ZNF804A: variants seen among roughly 807,000 people sequenced by gnomAD.
The protein encoded by ZNF804A is zinc finger protein 804A.
In ZNF804A, 2 loss-of-function variants were observed where a neutral mutation model predicts 16.5. That is an observed-to-expected ratio of 0.12 (90% CI 0.05 to 0.38). The LOEUF is 0.38. Ranked by LOEUF, ZNF804A falls within the 10% of genes least tolerant of loss-of-function variation. The pLI, the probability that ZNF804A is intolerant of heterozygous loss-of-function variation, is 0.99. For missense variants in ZNF804A, 1,473 were observed against 1,390.7 expected (o/e 1.06, Z -0.94); for synonymous variants, 534 against 489.6 (o/e 1.09, Z -1.20).
intron 1 of ZNF804A, among the ~76,000 whole-genome samples, chr2:184,795,382 T>C (rs1352406934): frequency 1.2e-4 from 18 of 152,010 alleles, no homozygotes; most frequent in Non-Finnish European, 4.4e-5. Flanking sequence ...ATGGCAATAG[T>C]GACACAACCT....
chr2:184,920,663 G>A (rs1685516040), intron 2 of ZNF804A, among the ~76,000 whole-genome samples: 1 of 152,152 alleles, frequency 6.6e-6, no homozygotes. Flanking sequence ...GAGAGAGAGA[G>A]ACACTTCCTT....
At chr2:184,742,297 A>G (rs1381862221) in intron 1 of ZNF804A, among the ~76,000 whole-genome samples, 1 of 152,038 alleles carries the variant, frequency 6.6e-6, no homozygotes, top group Non-Finnish European at 1.5e-5. Flanking sequence ...TAAGTGTTTC[A>G]ATTACCATAA....
intron 2 of ZNF804A, among the ~76,000 whole-genome samples, chr2:184,890,017 A>G (rs1684955465): frequency 1.3e-5 from 2 of 152,234 alleles, no homozygotes; most frequent in East Asian, 1.9e-4. Flanking sequence ...GTATTTTTAT[A>G]AAACAAGCAG....
chr2:184,737,364 C>T (rs1693642824), intron 1 of ZNF804A, among the ~76,000 whole-genome samples: 1 of 151,844 alleles, frequency 6.6e-6, no homozygotes, highest in Non-Finnish European at 1.5e-5. Context: ...ACCGGCTTTA[C>T]TACTCCTTTT....
At chr2:184,787,394 ATAGTAGTACTATTT>A (rs71011057) in intron 1 of ZNF804A, among the ~76,000 whole-genome samples, 21,931 of 151,814 alleles carry the variant, frequency 0.14, 1,711 homozygotes, top group Middle Eastern at 0.24. Flanking sequence ...GCTATGTTGA[ATAGTAGTACTATTT>A]TTAGTTGTTT....
Position 184,921,129 on chromosome 2 carries a change from T to C in ZNF804A, c.256-12474T>C, listed in dbSNP as rs1046121610. On this transcript the variant is annotated intron_variant, in intron 2 of 3. Transcript: ENST00000302277. ...AGTCCATCATTGACCAAAGTGTTAT[T>C]ATTTGGAGTGTAACTATACTTGATT... Among the ~76,000 whole-genome samples, 5 of 152,214 alleles carry C rather than the reference T, an allele frequency of 3.3e-5. No homozygotes were observed. In the East Asian group the frequency reaches 7.7e-4, roughly 23 times the overall value.
At chr2:184,727,751 C>A (rs1693437167) in intron 1 of ZNF804A, among the ~76,000 whole-genome samples, 1 of 151,592 alleles carries the variant, frequency 6.6e-6, no homozygotes, top group South Asian at 2.1e-4. Context: ...CAAATGCTAT[C>A]TATTTAATTC....
intron 2 of ZNF804A, among the ~76,000 whole-genome samples, chr2:184,924,070 AG>A (rs1452300766): frequency 6.6e-6 from 1 of 151,366 alleles, no homozygotes; most frequent in Non-Finnish European, 1.5e-5. Flanking sequence ...TTTTGGTATC[AG>A]GGCAATACGG....
chr2:184,708,409 T>C (rs1036850518), intron 1 of ZNF804A, among the ~76,000 whole-genome samples: 1 of 152,124 alleles, frequency 6.6e-6, no homozygotes, highest in Non-Finnish European at 1.5e-5. Context: ...ACTATAAGGT[T>C]ACCCTAACCA....
chr2:184,642,103 T>A (rs1027830982), intron 1 of ZNF804A, among the ~76,000 whole-genome samples: 2 of 152,208 alleles, frequency 1.3e-5, no homozygotes, highest in Non-Finnish European at 2.9e-5. Context: ...ATTATTTTCT[T>A]ACAGTGTAGA....
intron 1 of ZNF804A, among the ~76,000 whole-genome samples, chr2:184,865,071 T>C (rs904005253): frequency 4.0e-5 from 6 of 151,492 alleles, no homozygotes; most frequent in African/African-American, 1.5e-4. Context: ...GTAGAGACAG[T>C]GTTTTATCAT....
rs1310203409 is a variant in ZNF804A at position 184,938,134 on chromosome 2, A to T, written c.2738A>T (p.Asp913Val). ...TSGELSDVSN[D>V]PTTSVCVASA... ...GGTGAATTGTCAGATGTTTCCAATG[A>T]TCCCACCACATCTGTCTGTGTAGCT... Residue 913 changes from aspartate to valine, a missense_variant, in exon 4 of 4, where the codon GAT (aspartate) becomes GTT (valine). Physicochemically the swap from Asp to Val is radical, Grantham distance 152. Coordinates refer to ENST00000302277, the MANE Select transcript of ZNF804A (RefSeq NM_194250.2). 6.8e-6 allele frequency: 11 copies of T among 1,614,006 alleles called. No individual in the cohort carries two copies. The highest frequency in any genetic ancestry group is 1.1e-5 in the South Asian group (1 of 91,094).
intron 1 of ZNF804A, among the ~76,000 whole-genome samples, chr2:184,763,864 G>C (rs1259010865): frequency 6.6e-6 from 1 of 151,450 alleles, no homozygotes; most frequent in African/African-American, 2.4e-5. Context: ...AGATAGCCTC[G>C]ATCTCCTGAC....
intron 2 of ZNF804A, among the ~76,000 whole-genome samples, chr2:184,921,844 C>T (rs1685533909): frequency 6.6e-6 from 1 of 151,852 alleles, no homozygotes; most frequent in African/African-American, 2.4e-5. Flanking sequence ...TTTTTATCTC[C>T]CATAGATAAG....
chr2:184,675,507 C>T (rs943327374), intron 1 of ZNF804A, among the ~76,000 whole-genome samples: 3 of 151,700 alleles, frequency 2.0e-5, no homozygotes, highest in African/African-American at 7.2e-5. Context: ...TAAATCACTG[C>T]ATGTAGAGCA....
chr2:184,877,287 T>C (rs1684718299), intron 2 of ZNF804A, among the ~76,000 whole-genome samples: 1 of 152,090 alleles, frequency 6.6e-6, no homozygotes, highest in Non-Finnish European at 1.5e-5. Flanking sequence ...TCTGTATAGA[T>C]TTACTAATAC....
rs537186959 is a variant in ZNF804A at position 184,885,510 on chromosome 2, T to C, written c.255+18998T>C. ...CACCATGGAATCCTACACAACCACA[T>C]AGAAGGATGAGATCATGGTGTTTGC... On this transcript the variant is annotated intron_variant, in intron 2 of 3. Transcript: ENST00000302277. Among the ~76,000 whole-genome samples the C allele has an allele frequency of 2.0e-5, 3 of 152,198 alleles. No individual in the cohort carries two copies. The East Asian group carries it at 5.8e-4, about 29-fold the overall frequency.
chr2:184,683,691 A>G (rs1692578261), intron 1 of ZNF804A, among the ~76,000 whole-genome samples: 2 of 152,200 alleles, frequency 1.3e-5, no homozygotes, highest in South Asian at 2.1e-4. Context: ...AAAAAATTGT[A>G]CAATGCTGAT....
chr2:184,702,815 C>T (rs984218044), intron 1 of ZNF804A, among the ~76,000 whole-genome samples: 3 of 152,126 alleles, frequency 2.0e-5, no homozygotes, highest in Middle Eastern at 3.4e-3. Flanking sequence ...GTTAATTTGC[C>T]TCTGTATGTT....
Sources: allele counts gnomAD v4.1 joint callset (sites outside exome capture counted in the v4.1 genomes callset), GRCh38; gene constraint gnomAD v4.1.1; transcripts MANE v1.5; gene names NCBI Gene and HGNC (gene_info 2026-07-23, HGNC 2026-07-21).